Variants in UNC13B observed in about 807,000 individuals in gnomAD.
UNC13B encodes protein unc-13 homolog B.
UNC13B carries 144 observed loss-of-function variants against 211.0 expected under a neutral mutation model. That is an observed-to-expected ratio of 0.68 (90% CI 0.60 to 0.78). UNC13B has a LOEUF of 0.78. Among genes scored for constraint, UNC13B ranks in the 30% least tolerant of loss-of-function variants. UNC13B has a pLI of 0.00. For missense variants in UNC13B, 1,777 were observed against 2,002.0 expected, an observed-to-expected ratio of 0.89 and a Z score of 2.14; for synonymous variants, 709 against 725.8, an observed-to-expected ratio of 0.98 and a Z score of 0.37.
rs10116235 is a variant in UNC13B, at chr9:35,364,303, T to A, written c.9415-2644T>A. 3.8e-5 allele frequency among the ~76,000 whole-genome samples: 5 copies of A among 131,254 alleles called. 1 individual carries two copies. The highest frequency in any genetic ancestry group is 2.3e-4 in the African/African-American group (5 of 22,080). The allele number at this position is 131,254 out of a possible 152,430, so 86.1% of individuals were successfully genotyped here. On this transcript the variant is annotated intron_variant, in intron 11 of 39. Transcript: ENST00000635942. ...GAACCCCTGGGTAGATTTTGTCCCTTGATTTAGTTTGGAACATCTCCAGGG... is the reference window on the plus strand; with the variant it reads ...GAACCCCTGGGTAGATTTTGTCCCTAGATTTAGTTTGGAACATCTCCAGGG...
In UNC13B at chr9:35,236,430, TG is replaced by T. The variant is rs1197162230; in HGVS notation, c.153-38del. ...GGAGATGTAGTTGTTTCTTTCATAT[TG>T]TCTAGCTTTCCTCAAAGGGCTTTCC... On this transcript the variant is annotated intron_variant, in intron 3 of 39. Transcript: ENST00000635942. The T allele has an allele frequency of 4.0e-6, 6 of 1,517,138 alleles. No homozygotes were observed. In the East Asian group the frequency reaches 1.1e-4, roughly 29 times the overall value. 94.0% of individuals were successfully genotyped at this position (1,517,138 alleles called of 1,614,324 possible).
chr9:35,280,426 G>A (rs72725027), intron 7 of UNC13B, among the ~76,000 whole-genome samples: 27,231 of 152,094 alleles, frequency 0.18, 2,821 homozygotes, highest in Non-Finnish European at 0.24. Context: ...TGGGGAGTGG[G>A]AAGTAAAGGA....
At position 35,401,754 on chromosome 9, in the gene UNC13B, C is replaced by G. The variant is rs568801896; in HGVS notation, c.12484+1311C>G. 2.6e-5 allele frequency among the ~76,000 whole-genome samples: 4 copies of G among 152,280 alleles called. No individual in the cohort carries two copies. In the East Asian group the frequency reaches 7.7e-4, roughly 29 times the overall value. On this transcript the variant is annotated intron_variant, in intron 37 of 39. Coordinates refer to ENST00000635942, the MANE Select transcript of UNC13B (RefSeq NM_001371189.2). The stretch of plus-strand genomic sequence containing the variant: ...GCCCATGATTTGGTTGGTCTCTGAC[C>G]CATGAAGTCTAATTTGGAGCATTCA...
At chr9:35,347,044 G>A (rs1832402963) in intron 11 of UNC13B, among the ~76,000 whole-genome samples, 1 of 151,814 alleles carries the variant, frequency 6.6e-6, no homozygotes, top group Admixed American at 6.6e-5. Flanking sequence ...GGGACCACAG[G>A]CACATGCCAC....
intron 1 of UNC13B, among the ~76,000 whole-genome samples, chr9:35,222,929 C>G (rs929043385): frequency 8.5e-5 from 13 of 152,172 alleles, no homozygotes; most frequent in Non-Finnish European, 1.8e-4. Context: ...TTAGCTCTCA[C>G]ATGAGTGAGA....
At chr9:35,331,903 G>T (rs1831390329) in intron 11 of UNC13B, among the ~76,000 whole-genome samples, 1 of 151,830 alleles carries the variant, frequency 6.6e-6, no homozygotes. Flanking sequence ...CTCTAATCAA[G>T]AATCTTTAAT....
rs55638252 is a variant in UNC13B, at chr9:35,272,212, G to GTT, written c.526+13172_526+13173dup. On this transcript the variant is annotated intron_variant, in intron 7 of 39. Coordinates refer to ENST00000635942, the MANE Select transcript of UNC13B (RefSeq NM_001371189.2). ...AACCACAAGGAAATATAATTTTTTT[G>GTT]TTTTTTTTTTTGGTTGTTTCATTTT... is the stretch of plus-strand genomic sequence containing the variant. Among the ~76,000 whole-genome samples, 152 of 137,368 alleles carry GTT rather than the reference G, an allele frequency of 1.1e-3. 1 individual carries two copies. Among genetic ancestry groups the GTT allele is most frequent in the Middle Eastern group, 4.0e-3 (1 of 252 alleles). The allele number at this position is 137,368 out of a possible 152,430, so 90.1% of individuals were successfully genotyped here. A position where few individuals can be genotyped will look rare whatever the true frequency, so the allele number is the denominator to read the frequency against.
chr9:35,396,803 G>T lies in UNC13B; in HGVS notation c.11436-38G>T, dbSNP rs745380298. The T allele has an allele frequency of 2.5e-6, 4 of 1,612,674 alleles. No individual in the cohort carries two copies. In the African/African-American group the frequency reaches 4.0e-5, roughly 16 times the overall value. On this transcript the variant is annotated intron_variant, in intron 27 of 39. Coordinates refer to ENST00000635942, the MANE Select transcript of UNC13B (RefSeq NM_001371189.2). ...TGTCAGGAAGTGGCGTATTCCCACC[G>T]CTAGTTCTAAGCCCCTGTTCTCCTG...
At chr9:35,363,198 G>A (rs933978089) in intron 11 of UNC13B, among the ~76,000 whole-genome samples, 8 of 152,194 alleles carry the variant, frequency 5.3e-5, no homozygotes, top group African/African-American at 1.2e-4. Flanking sequence ...GAGCCGTGAC[G>A]GCTCTGTCAA....
rs1253332330 is a variant in UNC13B at position 35,397,690 on chromosome 9, C to A, written c.11732C>A (p.Ala3911Asp). Residue 3911 changes from alanine (A) to aspartate (D), a missense_variant, in exon 30 of 40, where the codon GCC becomes GAC. Physicochemically the swap from Ala to Asp is moderately radical, Grantham distance 126. Coordinates refer to ENST00000635942, the MANE Select transcript of UNC13B (RefSeq NM_001371189.2). ...YADILSKDFP[A>D]YCTKEKLPCI... ...GACATCTTGTCAAAGGACTTCCCAGCCTATTGCACAAAGGAGAAACTGGTA... is the reference window on the plus strand; with the variant it reads ...GACATCTTGTCAAAGGACTTCCCAGACTATTGCACAAAGGAGAAACTGGTA... 2.5e-6 allele frequency: 4 copies of A among 1,613,980 alleles called. No homozygotes were observed. Among genetic ancestry groups the A allele is most frequent in the South Asian group, 1.1e-5 (1 of 91,054 alleles).
At chr9:35,381,812 T>G in intron 20 of UNC13B, 93 bp downstream of exon 20, 1 of 1,464,542 alleles carries the variant, frequency 6.8e-7, no homozygotes, top group East Asian at 2.3e-5. Flanking sequence ...CTTAGTGAGG[T>G]AGCATGCAGT....
chr9:35,300,205 AAAG>A lies in UNC13B; in HGVS notation c.804_806del (p.Lys269del), dbSNP rs534458953. The A allele has an allele frequency of 9.6e-3, 3,822 of 398,900 alleles. 22 individuals are homozygous for A. Among genetic ancestry groups the A allele is most frequent in the Non-Finnish European group, 0.013 (3,013 of 226,016 alleles). 24.7% of individuals were successfully genotyped at this position (398,900 alleles called of 1,614,324 possible). ...ATGATACACTAGATAGAAGAAGAAAAAAGAAATCCTTATACAATCATTTTGAAG... is the reference window on the plus strand; with the variant it reads ...ATGATACACTAGATAGAAGAAGAAAAAAATCCTTATACAATCATTTTGAAG... On this transcript the variant is annotated inframe_deletion, in exon 9 of 40. Coordinates refer to ENST00000635942, the MANE Select transcript of UNC13B (RefSeq NM_001371189.2).
chr9:35,260,614 C>T (rs7874423), intron 7 of UNC13B, among the ~76,000 whole-genome samples: 22,364 of 152,030 alleles, frequency 0.15, 1,888 homozygotes, highest in Admixed American at 0.25. Flanking sequence ...AAGTAAAGGC[C>T]AATGGTAGAG....
intron 6 of UNC13B, among the ~76,000 whole-genome samples, chr9:35,253,140 ATTGCAATCAT>A (rs1462942745): frequency 6.6e-6 from 1 of 152,082 alleles, no homozygotes; most frequent in Non-Finnish European, 1.5e-5. Context: ...ATTTCAGCCC[ATTGCAATCAT>A]TCTTTTTTGG....
At chr9:35,297,561 T>TTTTTTTGTTTTTTGTTTTTTG (rs1554698742) in intron 8 of UNC13B, among the ~76,000 whole-genome samples, 8 of 128,232 alleles carry the variant, frequency 6.2e-5, no homozygotes, top group Non-Finnish European at 1.4e-4. Context: ...TTTTTTTTTT[T>TTTTTTTGTTTTTTGTTTTTTG]TTTTTTGAGA....
In UNC13B at chr9:35,399,796, C is replaced by T. The variant is rs1836167305; in HGVS notation, c.12336+67C>T. ...TCACTTGGCCCTGGCATTCCACTCT[C>T]CCAGACCAGGTGTCCCTCCAATTCT... On this transcript the variant is annotated intron_variant, in intron 36 of 39. Transcript: ENST00000635942. The T allele has an allele frequency of 1.5e-5, 22 of 1,505,366 alleles. 1 individual carries two copies. Among genetic ancestry groups the T allele is most frequent in the Non-Finnish European group, 2.0e-5 (22 of 1,083,626 alleles). The allele number at this position is 1,505,366 out of a possible 1,614,324, so 93.3% of individuals were successfully genotyped here. A position where few individuals can be genotyped will look rare whatever the true frequency, so the allele number is the denominator to read the frequency against.
At chr9:35,387,352 AC>A (rs1694045547) in intron 24 of UNC13B, among the ~76,000 whole-genome samples, 1 of 152,196 alleles carries the variant, frequency 6.6e-6, no homozygotes, top group Non-Finnish European at 1.5e-5. Flanking sequence ...TCCTAGGAAC[AC>A]CCTCATAAAG....
At chr9:35,220,305 TC>T (rs1708025918) in intron 1 of UNC13B, among the ~76,000 whole-genome samples, 1 of 151,676 alleles carries the variant, frequency 6.6e-6, no homozygotes, top group Admixed American at 6.6e-5. Flanking sequence ...AATTATATAC[TC>T]TTAGTTATTT....
rs886898468 is a variant in UNC13B, at chr9:35,300,735, C to A, written c.1331C>A (p.Thr444Asn). The change falls in exon 9 of 40, where the codon ACC (threonine) becomes AAC (asparagine). Residue 444 changes from threonine to asparagine, a missense_variant. By Grantham distance (65) the Thr-to-Asn change is moderately conservative. Transcript: ENST00000635942. ...DLSECSIEEI[T>N]PSSIEEPKED... is the part of the protein sequence containing the mutation. ...TCTGAGTGCTCTATAGAAGAGATAACCCCTTCCTCTATTGAGGAGCCCAAG... is the reference window on the plus strand; with the variant it reads ...TCTGAGTGCTCTATAGAAGAGATAAACCCTTCCTCTATTGAGGAGCCCAAG... The A allele has an allele frequency of 7.5e-6, 3 of 398,822 alleles. No homozygotes were observed. The highest frequency in any genetic ancestry group is 2.1e-5 in the African/African-American group (1 of 48,610). The allele number at this position is 398,822 out of a possible 1,614,324, so 24.7% of individuals were successfully genotyped here.
Sources: allele counts gnomAD v4.1 joint callset (sites outside exome capture counted in the v4.1 genomes callset), GRCh38; gene constraint gnomAD v4.1.1; transcripts MANE v1.5; gene names NCBI Gene and HGNC (gene_info 2026-07-23, HGNC 2026-07-21).